CSMD1: variants seen among roughly 807,000 people sequenced by gnomAD.
CSMD1 encodes the protein CUB and sushi domain-containing protein 1.
A neutral mutation model predicts 417.5 loss-of-function variants in CSMD1; 213 were observed. That is an observed-to-expected ratio of 0.51 (90% CI 0.46 to 0.57). The LOEUF is 0.57. Among genes scored for constraint, CSMD1 ranks in the 20% least tolerant of loss-of-function variants. CSMD1 has a pLI of 0.00. For missense variants in CSMD1, 6,923 were observed against 4,529.7 expected (o/e 1.53, Z -15.17); for synonymous variants, 2,862 against 1,736.8 (o/e 1.65, Z -16.11).
Position 4,398,385 on chromosome 8 carries a change from C to CTTTTTTTTTTTTTTTTTTTTTTTT in CSMD1, c.415+21567_415+21568insAAAAAAAAAAAAAAAAAAAAAAAA, listed in dbSNP as rs1317009143. On this transcript the variant is annotated intron_variant, in intron 3 of 69. Coordinates refer to ENST00000635120, the MANE Select transcript of CSMD1 (RefSeq NM_033225.6). Reference sequence around the variant, plus strand: ...CTCTTTTTAAATTGTCTTGCTGCAACTTCTTTTTTTTTTTTTTTTTTTTGT... The same window carrying CTTTTTTTTTTTTTTTTTTTTTTTT: ...CTCTTTTTAAATTGTCTTGCTGCAACTTTTTTTTTTTTTTTTTTTTTTTTTTCTTTTTTTTTTTTTTTTTTTTGT... Among the ~76,000 whole-genome samples, 5 of 118,134 alleles carry CTTTTTTTTTTTTTTTTTTTTTTTT rather than the reference C, an allele frequency of 4.2e-5. 2 individuals carry two copies. The highest frequency in any genetic ancestry group is 8.5e-5 in the Non-Finnish European group (5 of 59,030). The allele number at this position is 118,134 out of a possible 152,430, so 77.5% of individuals were successfully genotyped here.
intron 46 of CSMD1, among the ~76,000 whole-genome samples, chr8:3,100,354 G>A (rs75833008): frequency 2.6e-5 from 4 of 152,188 alleles, no homozygotes; most frequent in South Asian, 2.1e-4. Flanking sequence ...GTTTACCCAT[G>A]AGCGAAAGTG....
chr8:3,394,818 A>G (rs1264261211), intron 17 of CSMD1, among the ~76,000 whole-genome samples: 2 of 152,192 alleles, frequency 1.3e-5, no homozygotes, highest in Non-Finnish European at 2.9e-5. Flanking sequence ...AAAATACGTT[A>G]CTTTGGAGCA....
intron 3 of CSMD1, among the ~76,000 whole-genome samples, chr8:4,372,600 G>T (rs1802459310): frequency 6.7e-6 from 1 of 150,296 alleles, no homozygotes; most frequent in Admixed American, 6.7e-5. Flanking sequence ...AACAAGGTGA[G>T]CGTTTTTACT....
At chr8:3,438,070 C>T (rs191201018) in intron 12 of CSMD1, among the ~76,000 whole-genome samples, 8 of 152,220 alleles carry the variant, frequency 5.3e-5, no homozygotes, top group Admixed American at 3.3e-4. Flanking sequence ...ATAGAATTTA[C>T]CCAGTAGAAA....
chr8:4,439,313 A>T (rs1309999101), intron 2 of CSMD1, among the ~76,000 whole-genome samples: 2 of 152,214 alleles, frequency 1.3e-5, no homozygotes, highest in Non-Finnish European at 2.9e-5. Flanking sequence ...TTACCTTGGT[A>T]ATCAATACGT....
intron 1 of CSMD1, among the ~76,000 whole-genome samples, chr8:4,643,314 T>C (rs1468486639): frequency 6.6e-6 from 1 of 152,220 alleles, no homozygotes; most frequent in East Asian, 1.9e-4. Context: ...TGACAATTTA[T>C]GGTTTTCATG....
chr8:3,823,893 A>G (rs914466347), intron 5 of CSMD1, among the ~76,000 whole-genome samples: 1 of 152,320 alleles, frequency 6.6e-6, no homozygotes, highest in African/African-American at 2.4e-5. Context: ...TTTCATTGTA[A>G]CGATTAAATA....
chr8:4,342,864 G>A (rs147167816), intron 3 of CSMD1, among the ~76,000 whole-genome samples: 172 of 152,078 alleles, frequency 1.1e-3, no homozygotes, highest in African/African-American at 3.8e-3. Context: ...TACACCAAAG[G>A]CCACCCATGT....
chr8:4,782,539 T>G (rs1797207372), intron 1 of CSMD1, among the ~76,000 whole-genome samples: 1 of 152,178 alleles, frequency 6.6e-6, no homozygotes, highest in Non-Finnish European at 1.5e-5. Flanking sequence ...AAATATGCTC[T>G]AAGACATTTT....
chr8:3,814,920 C>T (rs373976973), intron 5 of CSMD1, among the ~76,000 whole-genome samples: 1 of 152,134 alleles, frequency 6.6e-6, no homozygotes, highest in Non-Finnish European at 1.5e-5. Context: ...AAAACCGACA[C>T]TCTCATTACT....
chr8:3,434,039 G>A (rs554168663), intron 12 of CSMD1, among the ~76,000 whole-genome samples: 8 of 152,228 alleles, frequency 5.3e-5, no homozygotes, highest in Middle Eastern at 3.4e-3. Flanking sequence ...TACAACAATC[G>A]CATCATTCCT....
intron 1 of CSMD1, among the ~76,000 whole-genome samples, chr8:4,849,271 T>A (rs1183022243): frequency 6.6e-6 from 1 of 152,194 alleles, no homozygotes; most frequent in Non-Finnish European, 1.5e-5. Context: ...GTGTTTCATA[T>A]TTTAATGTGT....
Position 4,104,277 on chromosome 8 carries a change from T to C in CSMD1, c.416-72178A>G, listed in dbSNP as rs60112970. Among the ~76,000 whole-genome samples, 3 of 152,284 alleles carry C rather than the reference T, an allele frequency of 2.0e-5. No homozygotes were observed. In the East Asian group the frequency reaches 5.8e-4, roughly 29 times the overall value. ...ATGATTTATCTCACTCCATCTTTTC[T>C]TTTGAGTTCTAAGCACCCATGTGCA... On this transcript the variant is annotated intron_variant, in intron 3 of 69. Transcript: ENST00000635120.
intron 3 of CSMD1, among the ~76,000 whole-genome samples, chr8:4,302,774 G>C (rs1295671711): frequency 6.6e-6 from 1 of 152,150 alleles, no homozygotes; most frequent in African/African-American, 2.4e-5. Context: ...AGTCCAGGTA[G>C]AGTTGGCACC....
chr8:4,294,487 A>G (rs1797556469), intron 3 of CSMD1, among the ~76,000 whole-genome samples: 1 of 152,136 alleles, frequency 6.6e-6, no homozygotes, highest in Non-Finnish European at 1.5e-5. Flanking sequence ...CTGTTGTTTC[A>G]TTTAACCTCA....
intron 69 of CSMD1, among the ~76,000 whole-genome samples, 187 bp downstream of exon 69, chr8:2,942,285 G>C (rs1462597164): frequency 6.6e-6 from 1 of 151,202 alleles, no homozygotes; most frequent in Non-Finnish European, 1.5e-5. Context: ...CATTTAACTA[G>C]GTAACAAACC....
At chr8:4,234,697 T>G (rs1210027630) in intron 3 of CSMD1, among the ~76,000 whole-genome samples, 3 of 152,038 alleles carry the variant, frequency 2.0e-5, no homozygotes, top group Non-Finnish European at 4.4e-5. Flanking sequence ...GAATGAATGG[T>G]GTGGTGTACG....
chr8:4,475,070 T>C (rs1451762885), intron 2 of CSMD1, among the ~76,000 whole-genome samples: 7 of 152,178 alleles, frequency 4.6e-5, no homozygotes, highest in African/African-American at 9.7e-5. Context: ...TATTCAAGGA[T>C]TAACTGTATT....
chr8:3,982,787 G>A (rs1813982246), intron 5 of CSMD1, among the ~76,000 whole-genome samples: 1 of 152,082 alleles, frequency 6.6e-6, no homozygotes, highest in South Asian at 2.1e-4. Context: ...CCAGAACGAG[G>A]GCAAGAATCC....
Sources: allele counts gnomAD v4.1 joint callset (sites outside exome capture counted in the v4.1 genomes callset), GRCh38; gene constraint gnomAD v4.1.1; transcripts MANE v1.5; gene names NCBI Gene and HGNC (gene_info 2026-07-23, HGNC 2026-07-21).